TRAF6: variants seen among roughly 807,000 people sequenced by gnomAD.
TRAF6 encodes the protein TNF receptor-associated factor 6.
In TRAF6, 10 loss-of-function variants were observed where a neutral mutation model predicts 48.4. That is an observed-to-expected ratio of 0.21 (90% CI 0.13 to 0.35). TRAF6 has a LOEUF of 0.35. Ranked by LOEUF, TRAF6 falls within the 10% of genes least tolerant of loss-of-function variation. TRAF6 has a pLI of 1.00. For synonymous variants in TRAF6, 186 were observed against 219.6 expected (o/e 0.85, Z 1.35); for missense variants, 397 against 661.0 (o/e 0.60, Z 4.38).
At position 36,490,345 on chromosome 11, in the gene TRAF6, A is replaced by G. The variant is rs141250243; in HGVS notation, c.1062T>C (p.Ile354=). The change falls in exon 7 of 7, where the codon ATT becomes ATC. Residue 354 remains isoleucine (I), a synonymous_variant. Coordinates refer to ENST00000526995, the MANE Select transcript of TRAF6 (RefSeq NM_004620.4). The surrounding 1 kb of genome is among the most constrained non-coding windows in gnomAD (Gnocchi z 6.4). ...IEAQQCNGIY[I]WKIGNFGMHL... ...GCATTCCAAAGTTGCCAATCTTCCAAATATAAATTCCATTGCACTGCTGTG... is the reference window on the plus strand; with the variant it reads ...GCATTCCAAAGTTGCCAATCTTCCAGATATAAATTCCATTGCACTGCTGTG... The G allele has an allele frequency of 4.3e-6, 7 of 1,614,184 alleles. No individual in the cohort carries two copies. The highest frequency in any genetic ancestry group is 5.9e-6 in the Non-Finnish European group (7 of 1,180,032).
chr11:36,503,292 TAAG>T (rs1299019832), intron 1 of TRAF6, among the ~76,000 whole-genome samples: 1 of 151,146 alleles, frequency 6.6e-6, no homozygotes, highest in Non-Finnish European at 1.5e-5. Flanking sequence ...GTGGTTTACT[TAAG>T]TTTTTTTTTT....
chr11:36,498,152 G>A (rs1859666102), intron 3 of TRAF6, among the ~76,000 whole-genome samples: 1 of 152,112 alleles, frequency 6.6e-6, no homozygotes, highest in East Asian at 1.9e-4. Context: ...CCAAAGTGCT[G>A]GGATTACAGG....
rs762588981 is a variant in TRAF6, at chr11:36,490,446, C to G, written c.961G>C (p.Glu321Gln). The G allele has an allele frequency of 2.5e-6, 4 of 1,613,742 alleles. No homozygotes were observed. The highest frequency in any genetic ancestry group is 2.5e-6 in the Non-Finnish European group (3 of 1,180,050). ...TCACTTACATACATACTCTGAGTTT[C>G]CATTTTAGCAGTCAGCTCCCGGATT... The part of the protein sequence containing the change: ...HQIRELTAKM[E>Q]TQSMYVSELK... The change falls in exon 7 of 7, where the codon GAA (glutamate) becomes CAA (glutamine). Residue 321 changes from glutamate to glutamine, a missense_variant. This residue lies in a region of TRAF6 where 245 missense variants were observed against 349.1 expected (regional missense o/e 0.70). Transcript: ENST00000526995. The surrounding 1 kb of genome is among the most constrained non-coding windows in gnomAD (Gnocchi z 6.4).
chr11:36,495,932 A>G (rs1434490897), intron 4 of TRAF6, among the ~76,000 whole-genome samples: 1 of 152,130 alleles, frequency 6.6e-6, no homozygotes. Flanking sequence ...ATTTTACTCT[A>G]ATTATGACTG....
In TRAF6 at chr11:36,484,372, G is replaced by A. The variant is rs1394047591; in HGVS notation, c.*5466C>T. ...CATTTTCAGAGTCCAGATGGATTAG[G>A]ATAACTGCTTACAAATTCCATGGCA... On this transcript the variant is annotated 3_prime_UTR_variant, in exon 7 of 7. Coordinates refer to ENST00000526995, the MANE Select transcript of TRAF6 (RefSeq NM_004620.4). Among the ~76,000 whole-genome samples the A allele has an allele frequency of 1.3e-5, 2 of 152,146 alleles. No individual in the cohort carries two copies. Among genetic ancestry groups the A allele is most frequent in the African/African-American group, 4.8e-5 (2 of 41,436 alleles).
chr11:36,493,082 A>G (rs77567958), intron 5 of TRAF6, among the ~76,000 whole-genome samples: 55 of 152,292 alleles, frequency 3.6e-4, no homozygotes, highest in Non-Finnish European at 7.1e-4. Flanking sequence ...ACCACCTTTC[A>G]ACAATCTTCT....
At chr11:36,508,275 T>C (rs895450050) in intron 1 of TRAF6, among the ~76,000 whole-genome samples, 4 of 151,872 alleles carry the variant, frequency 2.6e-5, no homozygotes, top group Non-Finnish European at 5.9e-5. Flanking sequence ...TGTAATCCCC[T>C]TTTGCAGTTG....
intron 1 of TRAF6, 94 bp downstream of exon 1, chr11:36,509,954 G>A (rs1157953130): frequency 6.6e-6 from 1 of 151,924 alleles, no homozygotes; most frequent in Non-Finnish European, 1.5e-5. Context: ...CTGCGTCCCC[G>A]ACCTGCCGAG....
chr11:36,494,554 T>C (rs1357865021), intron 5 of TRAF6, among the ~76,000 whole-genome samples: 1 of 152,144 alleles, frequency 6.6e-6, no homozygotes, highest in African/African-American at 2.4e-5. Context: ...CAGAACTGCC[T>C]TCCTTTATTT....
chr11:36,508,929 T>C (rs1859852034), intron 1 of TRAF6, among the ~76,000 whole-genome samples: 1 of 152,200 alleles, frequency 6.6e-6, no homozygotes, highest in African/African-American at 2.4e-5. Flanking sequence ...GAAGAGCTCA[T>C]GTTACAATTC....
In TRAF6 at chr11:36,490,554, C is replaced by T. The variant is rs751855450; in HGVS notation, c.853G>A (p.Asp285Asn). 2.5e-6 allele frequency: 4 copies of T among 1,614,100 alleles called. No individual in the cohort carries two copies. Among genetic ancestry groups the T allele is most frequent in the East Asian group, 2.2e-5 (1 of 44,874 alleles). The change falls in exon 7 of 7, where the codon GAC becomes AAC. Residue 285 changes from aspartate (D) to asparagine (N), a missense_variant. Asp to Asn is a conservative substitution (Grantham distance 23). Coordinates refer to ENST00000526995, the MANE Select transcript of TRAF6 (RefSeq NM_004620.4). This position sits in a 1 kb window ranked among gnomAD's most constrained non-coding sequence, Gnocchi z 6.4. ...QAVHSLSVIPDSGYISEVRNF... is the reference protein window; with the variant it reads ...QAVHSLSVIPNSGYISEVRNF... ...CGGACCTCTGAGATATACCCAGAGTCGGGTATAACGCTCAAACTATGAACA... is the reference window on the plus strand; with the variant it reads ...CGGACCTCTGAGATATACCCAGAGTTGGGTATAACGCTCAAACTATGAACA...
chr11:36,503,429 C>T (rs5030435), intron 1 of TRAF6, among the ~76,000 whole-genome samples: 2,215 of 152,038 alleles, frequency 0.015, 51 homozygotes, highest in African/African-American at 0.05. Flanking sequence ...GGATTACAGG[C>T]GCCCGCCACC....
At chr11:36,501,607 A>G (rs1277436052) in intron 1 of TRAF6, 70 bp from the exon 2 acceptor site, 2 of 1,150,450 alleles carry the variant, frequency 1.7e-6, no homozygotes, top group East Asian at 5.0e-5. Context: ...CATATATATC[A>G]TAGCTTATCT....
In TRAF6 at chr11:36,507,710, CATACACGCGCGTGTATATATGTATAT is replaced by C. The variant is rs1564970904; in HGVS notation, c.-23+2312_-23+2337del. Reference sequence around the variant, plus strand: ...ATACACGAGCGTGTATATATGTATACATACACGCGCGTGTATATATGTATATATACACATACATACATGTATTATAC... The same window carrying C: ...ATACACGAGCGTGTATATATGTATACATACACATACATACATGTATTATAC... On this transcript the variant is annotated intron_variant, in intron 1 of 6. Coordinates refer to ENST00000526995, the MANE Select transcript of TRAF6 (RefSeq NM_004620.4). 2.0e-3 allele frequency among the ~76,000 whole-genome samples: 205 copies of C among 104,616 alleles called. 1 individual carries two copies. Among genetic ancestry groups the C allele is most frequent in the African/African-American group, 7.1e-3 (196 of 27,692 alleles). The allele number at this position is 104,616 out of a possible 152,430, so 68.6% of individuals were successfully genotyped here.
intron 5 of TRAF6, among the ~76,000 whole-genome samples, chr11:36,492,916 T>C (rs1426835395): frequency 1.3e-5 from 2 of 152,192 alleles, no homozygotes; most frequent in Non-Finnish European, 2.9e-5. Flanking sequence ...AGTGGCACTT[T>C]ACAGAAAAAA....
Position 36,505,056 on chromosome 11 carries a change from G to T in TRAF6, c.-22-3519C>A, listed in dbSNP as rs973874390. The stretch of plus-strand genomic sequence containing the variant: ...ACCTTTATAAAGCACAGGCAGAGTA[G>T]ATTTAGTATAATTATTAAGGGCTCT... On this transcript the variant is annotated intron_variant, in intron 1 of 6. Coordinates refer to ENST00000526995, the MANE Select transcript of TRAF6 (RefSeq NM_004620.4). 2.0e-5 allele frequency among the ~76,000 whole-genome samples: 3 copies of T among 152,208 alleles called. No individual in the cohort carries two copies. The East Asian group carries it at 5.8e-4, about 29-fold the overall frequency.
rs5030507 is a variant in TRAF6, at chr11:36,488,016, C to A, written c.*1822G>T. ...GTATATTTCCTTCAGGCTTTTTCTA[C>A]GCAAATACAAAAATACTACTGTTCA... On this transcript the variant is annotated 3_prime_UTR_variant, in exon 7 of 7. Coordinates refer to ENST00000526995, the MANE Select transcript of TRAF6 (RefSeq NM_004620.4). The A allele has an allele frequency of 3.3e-5, 5 of 152,168 alleles. No homozygotes were observed. The South Asian group carries it at 6.2e-4, about 19-fold the overall frequency. 9.4% of individuals were successfully genotyped at this position (152,168 alleles called of 1,614,324 possible).
At position 36,498,575 on chromosome 11, in the gene TRAF6, T is replaced by C. The variant is rs748164490; in HGVS notation, c.362A>G (p.Asn121Ser). The C allele has an allele frequency of 6.2e-6, 10 of 1,613,578 alleles. No individual in the cohort carries two copies. The highest frequency in any genetic ancestry group is 1.1e-5 in the South Asian group (1 of 90,994). Residue 121 changes from asparagine (N) to serine (S), a missense_variant, in exon 3 of 7, where the codon AAT (asparagine) becomes AGT (serine). Transcript: ENST00000526995. ...ILLENQLFPD[N>S]FAKREILSLM... ...AGAAAGAATCTCACGTTTTGCAAAA[T>C]TGTCTGGAAATAGTTGATTTTCCAG... is the stretch of plus-strand genomic sequence containing the variant.
At chr11:36,502,957 A>C (rs1201231798) in intron 1 of TRAF6, among the ~76,000 whole-genome samples, 1 of 152,216 alleles carries the variant, frequency 6.6e-6, no homozygotes, top group Non-Finnish European at 1.5e-5. Context: ...AACTTTATGT[A>C]GTATTTAAGT....
Sources: allele counts gnomAD v4.1 joint callset (sites outside exome capture counted in the v4.1 genomes callset), GRCh38; gene constraint gnomAD v4.1.1; regional missense constraint gnomAD v4.1.1; non-coding constraint Gnocchi (gnomAD v3.1); transcripts MANE v1.5; gene names NCBI Gene and HGNC (gene_info 2026-07-23, HGNC 2026-07-21).